The following GAL3ST2 variants were observed in gnomAD, a reference collection of about 807,000 sequenced individuals.
GAL3ST2 encodes the protein galactose-3-O-sulfotransferase 2.
Under a neutral mutation model 12.9 loss-of-function variants are expected in GAL3ST2, and 16 were observed. The observed-to-expected ratio is 1.24, with a 90% confidence interval of 0.84 to 1.88. GAL3ST2 has a LOEUF of 1.88. Among genes scored for constraint, GAL3ST2 ranks in the 40% most tolerant of loss-of-function variants. The pLI is 0.00. For missense variants in GAL3ST2, 639 were observed against 571.8 expected (o/e 1.12, Z -1.20); for synonymous variants, 302 against 273.9 (o/e 1.10, Z -1.01).
Position 241,800,425 on chromosome 2 carries a change from C to T in GAL3ST2, c.119+1271C>T, listed in dbSNP as rs913739378. On this transcript the variant is annotated intron_variant, in intron 2 of 3. Transcript: ENST00000192314. This position sits in a 1 kb window ranked among gnomAD's most constrained non-coding sequence, Gnocchi z 5.2. ...GGCCAAGTACACGTTCAGCAGGTGA[C>T]GGGAGGAGCTGTGGATATTCATGAA... Among the ~76,000 whole-genome samples the T allele has an allele frequency of 5.3e-5, 8 of 152,058 alleles. No individual in the cohort carries two copies. Among genetic ancestry groups the T allele is most frequent in the Admixed American group, 3.9e-4 (6 of 15,276 alleles).
rs369031235 is a variant in GAL3ST2, at chr2:241,790,948, G to A, written c.30-8117G>A. Among the ~76,000 whole-genome samples, 159 of 152,320 alleles carry A rather than the reference G, an allele frequency of 1.0e-3. 1 individual carries two copies. The highest frequency in any genetic ancestry group is 3.7e-3 in the African/African-American group (152 of 41,572). ...CCTTACTATTGATCCCAGGTCTTCA[G>A]ATAAACTCAACCAATTGTCATCCAG... On this transcript the variant is annotated intron_variant, in intron 1 of 3. Coordinates refer to ENST00000192314, the MANE Select transcript of GAL3ST2 (RefSeq NM_022134.3).
In GAL3ST2 at chr2:241,803,441, G is replaced by A. The variant is rs376239454; in HGVS notation, c.472G>A (p.Ala158Thr). The change falls in exon 4 of 4, where the codon GCC (alanine) becomes ACC (threonine). Residue 158 changes from alanine to threonine, a missense_variant. Physicochemically the swap from Ala to Thr is moderately conservative, Grantham distance 58. Transcript: ENST00000192314. ...CTCCTTCATCTACTACAAAACCTAC[G>A]CCCCCGCCTTCCGGGGCGCCCCGAG... is the stretch of plus-strand genomic sequence containing the variant. ...ESSFIYYKTY[A>T]PAFRGAPSLD... 1.9e-6 allele frequency: 3 copies of A among 1,611,986 alleles called. No homozygotes were observed. The highest frequency in any genetic ancestry group is 1.7e-6 in the Non-Finnish European group (2 of 1,179,522).
At chr2:241,777,104 G>C in intron 1 of GAL3ST2, 120 bp downstream of exon 1, 1 of 927,938 alleles carries the variant, frequency 1.1e-6, no homozygotes. Context: ...TTTGGAGGCT[G>C]TTCCTACTCA....
intron 1 of GAL3ST2, among the ~76,000 whole-genome samples, chr2:241,798,651 C>A (rs1386738001): frequency 1.3e-5 from 2 of 152,162 alleles, no homozygotes; most frequent in African/African-American, 2.4e-5. Context: ...CAGTCCATTG[C>A]ACCAAACTCT....
rs1699830700 is a variant in GAL3ST2, at chr2:241,800,576, G to T, written c.120-1205G>T. On this transcript the variant is annotated intron_variant, in intron 2 of 3. Transcript: ENST00000192314. The surrounding 1 kb of genome is among the most constrained non-coding windows in gnomAD (Gnocchi z 5.2). ...CAGGCCCTGCACGTCAGAAGGTGGA[G>T]CCGGGACGGGAAGCACTCGGTGCGC... Among the ~76,000 whole-genome samples the T allele has an allele frequency of 1.3e-5, 2 of 152,230 alleles. No individual in the cohort carries two copies. Among genetic ancestry groups the T allele is most frequent in the South Asian group, 4.1e-4 (2 of 4,826 alleles).
At chr2:241,779,214 ATTTTTTTTTTTTTTTTTTTTT>A (rs56979777) in intron 1 of GAL3ST2, among the ~76,000 whole-genome samples, 10 of 54,550 alleles carry the variant, frequency 1.8e-4, no homozygotes, top group African/African-American at 5.9e-4. Flanking sequence ...AGGAAAGCTC[ATTTTTTTTTTTTTTTTTTTTT>A]TTTTTTTTTT....
chr2:241,786,415 A>G (rs1241968646), intron 1 of GAL3ST2, among the ~76,000 whole-genome samples: 1 of 152,210 alleles, frequency 6.6e-6, no homozygotes, highest in African/African-American at 2.4e-5. Context: ...AACTTTAGCC[A>G]AGACAGAACC....
Position 241,793,681 on chromosome 2 carries a change from G to A in GAL3ST2, c.30-5384G>A, listed in dbSNP as rs1043825581. Among the ~76,000 whole-genome samples the A allele has an allele frequency of 4.6e-5, 7 of 151,386 alleles. No homozygotes were observed. Among genetic ancestry groups the A allele is most frequent in the African/African-American group, 1.2e-4 (5 of 41,082 alleles). On this transcript the variant is annotated intron_variant, in intron 1 of 3. Coordinates refer to ENST00000192314, the MANE Select transcript of GAL3ST2 (RefSeq NM_022134.3). The surrounding 1 kb of genome is among the most constrained non-coding windows in gnomAD (Gnocchi z 4.7). ...ATATGTGTGTGTATGCACATATTGTGTATGTGTGTGTATATGTGTATGTAC... is the reference window on the plus strand; with the variant it reads ...ATATGTGTGTGTATGCACATATTGTATATGTGTGTGTATATGTGTATGTAC...
At chr2:241,778,815 G>A (rs961280902) in intron 1 of GAL3ST2, among the ~76,000 whole-genome samples, 1 of 152,154 alleles carries the variant, frequency 6.6e-6, no homozygotes, top group African/African-American at 2.4e-5. Context: ...AGGACGGCTC[G>A]AAGCAAAGGC....
Position 241,799,154 on chromosome 2 carries a change from C to T in GAL3ST2, c.119C>T (p.Pro40Leu), listed in dbSNP as rs193179667. The T allele has an allele frequency of 1.9e-5, 31 of 1,612,796 alleles. No homozygotes were observed. The highest frequency in any genetic ancestry group is 2.7e-5 in the African/African-American group (2 of 74,898). Residue 40 changes from proline to leucine, a missense_variant and splice_region_variant, in exon 2 of 4, where the codon CCC becomes CTC. Transcript: ENST00000192314. ...FLHSDLELDT[P>L]LFGGQAEGPP... ...CACTCGGACTTAGAGCTGGACACAC[C>T]GTAAGTCCTGCCCCCACCATAAGTC...
At chr2:241,779,712 G>A (rs148141590) in intron 1 of GAL3ST2, among the ~76,000 whole-genome samples, 2,723 of 151,450 alleles carry the variant, frequency 0.018, 88 homozygotes, top group African/African-American at 0.063. Context: ...GTGGCCGGGC[G>A]CGGTGGCTCA....
At chr2:241,782,151 G>A (rs1282934542) in intron 1 of GAL3ST2, among the ~76,000 whole-genome samples, 1 of 152,130 alleles carries the variant, frequency 6.6e-6, no homozygotes, top group Non-Finnish European at 1.5e-5. Flanking sequence ...ATCTGGCACA[G>A]GCCCATATGC....
At chr2:241,799,331 C>T (rs1699815566) in intron 2 of GAL3ST2, among the ~76,000 whole-genome samples, 177 bp downstream of exon 2, 1 of 152,202 alleles carries the variant, frequency 6.6e-6, no homozygotes, top group African/African-American at 2.4e-5. Flanking sequence ...GCCACAAACC[C>T]ACCTGGGCCT....
rs751830915 is a variant in GAL3ST2 at position 241,803,790 on chromosome 2, G to A, written c.821G>A (p.Ser274Asn). 17 of 1,503,786 alleles carry A rather than the reference G, an allele frequency of 1.1e-5. No individual in the cohort carries two copies. In the Admixed American group the frequency reaches 3.7e-4, roughly 32 times the overall value. 93.2% of individuals were successfully genotyped at this position (1,503,786 alleles called of 1,614,324 possible). Residue 274 changes from serine (S) to asparagine (N), a missense_variant, in exon 4 of 4, where the codon AGC (serine) becomes AAC (asparagine). Ser to Asn is a conservative substitution (Grantham distance 46). Coordinates refer to ENST00000192314, the MANE Select transcript of GAL3ST2 (RefSeq NM_022134.3). ...LSPETRERARSWCALDWRLYE... is the reference protein window; with the variant it reads ...LSPETRERARNWCALDWRLYE... ...CCCGAGACCCGGGAGCGCGCGCGGA[G>A]CTGGTGCGCGCTGGACTGGCGCCTG...
intron 1 of GAL3ST2, among the ~76,000 whole-genome samples, chr2:241,794,087 C>T (rs1439239315): frequency 6.6e-6 from 1 of 152,126 alleles, no homozygotes; most frequent in Non-Finnish European, 1.5e-5. Context: ...GCTGGGACCA[C>T]AGTCCGGAGC....
In GAL3ST2 at chr2:241,785,571, A is replaced by T. The variant is rs572828713; in HGVS notation, c.29+8587A>T. Reference sequence around the variant, plus strand: ...CCGTCTCAAAAAAAAAAAAAAAAAAAGCTGAGACGAACTTGTCTGTTTACA... The same window carrying T: ...CCGTCTCAAAAAAAAAAAAAAAAAATGCTGAGACGAACTTGTCTGTTTACA... On this transcript the variant is annotated intron_variant, in intron 1 of 3. Transcript: ENST00000192314. Among the ~76,000 whole-genome samples, 15 of 148,990 alleles carry T rather than the reference A, an allele frequency of 1.0e-4. 1 individual carries two copies. The South Asian group carries it at 3.0e-3, about 30-fold the overall frequency.
chr2:241,801,496 T>G lies in GAL3ST2; in HGVS notation c.120-285T>G. The G allele has an allele frequency of 5.4e-5, 23 of 429,202 alleles. No individual in the cohort carries two copies. The highest frequency in any genetic ancestry group is 8.4e-5 in the Non-Finnish European group (20 of 238,512). 26.6% of individuals were successfully genotyped at this position (429,202 alleles called of 1,614,324 possible). ...TGGGGTCCCCTTGGCCAAGATGGGG[T>G]TCATTTAGGGTTTTATTTTTAGTTC... On this transcript the variant is annotated intron_variant, in intron 2 of 3. Coordinates refer to ENST00000192314, the MANE Select transcript of GAL3ST2 (RefSeq NM_022134.3). The surrounding 1 kb of genome is among the most constrained non-coding windows in gnomAD (Gnocchi z 4.4).
chr2:241,783,053 G>A (rs987059027), intron 1 of GAL3ST2, among the ~76,000 whole-genome samples: 9 of 151,764 alleles, frequency 5.9e-5, no homozygotes, highest in African/African-American at 2.2e-4. Flanking sequence ...CAGAAGAATC[G>A]CTTGAACCCG....
At chr2:241,794,672 GA>G (rs1699749076) in intron 1 of GAL3ST2, among the ~76,000 whole-genome samples, 1 of 152,184 alleles carries the variant, frequency 6.6e-6, no homozygotes, top group East Asian at 1.9e-4. Flanking sequence ...GGGAACGACT[GA>G]GCTACTCTGG....
Sources: allele counts gnomAD v4.1 joint callset (sites outside exome capture counted in the v4.1 genomes callset), GRCh38; gene constraint gnomAD v4.1.1; non-coding constraint Gnocchi (gnomAD v3.1); transcripts MANE v1.5; gene names NCBI Gene and HGNC (gene_info 2026-07-23, HGNC 2026-07-21).